Variants in MSRA observed in about 807,000 individuals in gnomAD.
The protein encoded by MSRA is mitochondrial peptide methionine sulfoxide reductase.
In MSRA, 54 loss-of-function variants were observed where a neutral mutation model predicts 31.3. That is an observed-to-expected ratio of 1.73 (90% CI 1.39 to 2.17). The LOEUF (loss-of-function observed/expected upper bound fraction) is 2.17. MSRA is among the 30% of genes most tolerant of loss of function. The pLI is 0.00. For synonymous variants in MSRA, 169 were observed against 116.5 expected (o/e 1.45, Z -2.90); for missense variants, 507 against 300.9 (o/e 1.69, Z -5.07).
At chr8:10,289,618 C>G (rs1218055562) in intron 3 of MSRA, among the ~76,000 whole-genome samples, 1 of 152,160 alleles carries the variant, frequency 6.6e-6, no homozygotes, top group Non-Finnish European at 1.5e-5. Context: ...CTTTTCTCAT[C>G]CATCGCATGG....
At chr8:10,091,640 C>T (rs1009104387) in intron 1 of MSRA, among the ~76,000 whole-genome samples, 220 of 145,864 alleles carry the variant, frequency 1.5e-3, no homozygotes, top group African/African-American at 5.3e-3. Flanking sequence ...AAATTTTGCT[C>T]TTATCACCCA....
At chr8:10,206,524 A>G (rs1226742721) in intron 1 of MSRA, among the ~76,000 whole-genome samples, 1 of 152,160 alleles carries the variant, frequency 6.6e-6, no homozygotes, top group Non-Finnish European at 1.5e-5. Context: ...GGTGCTCAAG[A>G]TCTTCCGTGA....
intron 5 of MSRA, among the ~76,000 whole-genome samples, chr8:10,399,966 G>A (rs1219183087): frequency 6.6e-6 from 1 of 152,190 alleles, no homozygotes; most frequent in East Asian, 1.9e-4. Context: ...AGGCATGGGA[G>A]TGAGGCCTTT....
intron 5 of MSRA, among the ~76,000 whole-genome samples, chr8:10,323,911 T>C (rs1802209580): frequency 6.6e-6 from 1 of 152,182 alleles, no homozygotes; most frequent in South Asian, 2.1e-4. Flanking sequence ...CATTACTGCA[T>C]ATAAACTGCT....
chr8:10,358,565 C>CTTTTTTTTTTTTTTTTT (rs59106668), intron 5 of MSRA, among the ~76,000 whole-genome samples: 1 of 64,004 alleles, frequency 1.6e-5, no homozygotes, highest in Non-Finnish European at 2.6e-5. Flanking sequence ...GCATTAGATT[C>CTTTTTTTTTTTTTTTTT]TTTTTTTTTT....
intron 3 of MSRA, among the ~76,000 whole-genome samples, chr8:10,248,701 T>C (rs1797759872): frequency 6.6e-6 from 1 of 152,156 alleles, no homozygotes; most frequent in Non-Finnish European, 1.5e-5. Context: ...TGACTAGGCA[T>C]ATAGAAAAGA....
chr8:10,313,557 G>C (rs1424865931), intron 4 of MSRA, among the ~76,000 whole-genome samples: 1 of 151,834 alleles, frequency 6.6e-6, no homozygotes, highest in African/African-American at 2.4e-5. Flanking sequence ...ATTGGGTCTT[G>C]TTTATGGTTG....
intron 5 of MSRA, among the ~76,000 whole-genome samples, chr8:10,385,972 T>G (rs906946919): frequency 1.3e-5 from 2 of 152,080 alleles, no homozygotes; most frequent in Non-Finnish European, 2.9e-5. Flanking sequence ...TTTCTGGAGA[T>G]AGCGCCCCTT....
chr8:10,073,311 G>A (rs1055063778), intron 1 of MSRA, among the ~76,000 whole-genome samples: 2 of 152,004 alleles, frequency 1.3e-5, no homozygotes, highest in Non-Finnish European at 2.9e-5. Flanking sequence ...AACTTCCTCA[G>A]TGTTTTTATC....
chr8:10,074,955 G>T (rs7835079), intron 1 of MSRA, among the ~76,000 whole-genome samples: 4,207 of 152,136 alleles, frequency 0.028, 198 homozygotes, highest in African/African-American at 0.096. Context: ...CACCACGCCC[G>T]GCACCCTGTA....
At chr8:10,143,245 C>G (rs1299806050) in intron 1 of MSRA, among the ~76,000 whole-genome samples, 1 of 152,076 alleles carries the variant, frequency 6.6e-6, no homozygotes, top group African/African-American at 2.4e-5. Context: ...CTCACATCAC[C>G]CGAGACCAAG....
intron 2 of MSRA, among the ~76,000 whole-genome samples, chr8:10,218,392 G>A (rs1291625682): frequency 1.3e-5 from 2 of 151,916 alleles, no homozygotes; most frequent in African/African-American, 4.8e-5. Flanking sequence ...CGATCCACCC[G>A]TCTCAGCCTC....
At chr8:10,157,605 G>A (rs745371948) in intron 1 of MSRA, among the ~76,000 whole-genome samples, 3 of 151,988 alleles carry the variant, frequency 2.0e-5, no homozygotes, top group Non-Finnish European at 2.9e-5. Context: ...GGCAATGAAA[G>A]TTCTCATAGG....
intron 5 of MSRA, among the ~76,000 whole-genome samples, chr8:10,385,050 G>T (rs946467473): frequency 6.6e-6 from 1 of 152,182 alleles, no homozygotes; most frequent in Non-Finnish European, 1.5e-5. Flanking sequence ...GCTGCATAGG[G>T]TGTTGCAGTG....
At chr8:10,199,546 T>A (rs1281320489) in intron 1 of MSRA, among the ~76,000 whole-genome samples, 1 of 152,046 alleles carries the variant, frequency 6.6e-6, no homozygotes, top group Non-Finnish European at 1.5e-5. Flanking sequence ...CGTCGCTCTC[T>A]TGACCTCGTG....
chr8:10,378,356 A>G (rs551327895), intron 5 of MSRA, among the ~76,000 whole-genome samples: 5 of 152,300 alleles, frequency 3.3e-5, no homozygotes, highest in African/African-American at 1.2e-4. Flanking sequence ...GCCCCAAGGA[A>G]CATCTTTAGG....
chr8:10,331,032 C>T (rs1016353731), intron 5 of MSRA, among the ~76,000 whole-genome samples: 2 of 152,186 alleles, frequency 1.3e-5, no homozygotes, highest in Non-Finnish European at 2.9e-5. Context: ...CTCTTGAGCA[C>T]TCTATTGCTG....
At chr8:10,380,916 G>A (rs1312891744) in intron 5 of MSRA, among the ~76,000 whole-genome samples, 2 of 151,278 alleles carry the variant, frequency 1.3e-5, no homozygotes, top group Admixed American at 6.6e-5. Context: ...GAGGGAGGGG[G>A]AGTGATGGAT....
At chr8:10,278,497 C>G (rs1799443754) in intron 3 of MSRA, among the ~76,000 whole-genome samples, 1 of 152,232 alleles carries the variant, frequency 6.6e-6, no homozygotes, top group Admixed American at 6.5e-5. Context: ...GCTCTGCTAT[C>G]TCCCATAACC....
Sources: allele counts gnomAD v4.1 joint callset (sites outside exome capture counted in the v4.1 genomes callset), GRCh38; gene constraint gnomAD v4.1.1; transcripts MANE v1.5; gene names NCBI Gene and HGNC (gene_info 2026-07-23, HGNC 2026-07-21).